The following SLC9A9 variants were observed in gnomAD, a reference collection of about 807,000 sequenced individuals.
SLC9A9 encodes the protein solute carrier family 9 member A9.
SLC9A9 carries 62 observed loss-of-function variants against 77.8 expected under a neutral mutation model. The ratio of observed to expected loss-of-function variants is 0.80; its 90% CI spans 0.65 to 0.98. The LOEUF is 0.98. SLC9A9 is among the 50% of genes least tolerant of loss of function. The pLI is 0.00. For synonymous variants in SLC9A9, 320 were observed against 283.5 expected, an observed-to-expected ratio of 1.13 and a Z score of -1.29; for missense variants, 775 against 774.9, an observed-to-expected ratio of 1.00 and a Z score of 0.00.
chr3:143,475,331 C>T (rs546140817), intron 11 of SLC9A9, among the ~76,000 whole-genome samples: 1 of 152,080 alleles, frequency 6.6e-6, no homozygotes, highest in African/African-American at 2.4e-5. Context: ...TCTTTAAGAT[C>T]TGTCTTTCTG....
chr3:143,272,230 C>G (rs777125735), intron 14 of SLC9A9, among the ~76,000 whole-genome samples: 1 of 152,130 alleles, frequency 6.6e-6, no homozygotes, highest in Non-Finnish European at 1.5e-5. Flanking sequence ...GTTTTTGTTT[C>G]ATGTGCCAAG....
intron 12 of SLC9A9, among the ~76,000 whole-genome samples, chr3:143,384,109 T>C (rs967397329): frequency 4.0e-5 from 6 of 151,844 alleles, no homozygotes; most frequent in African/African-American, 1.5e-4. Context: ...AGCTATTTGA[T>C]TGATGTCATC....
At chr3:143,813,499 T>A (rs2008923452) in intron 2 of SLC9A9, among the ~76,000 whole-genome samples, 1 of 152,204 alleles carries the variant, frequency 6.6e-6, no homozygotes, top group South Asian at 2.1e-4. Flanking sequence ...TCTGTTCACA[T>A]TGGAATTAGC....
At chr3:143,759,330 C>T (rs2007034273) in intron 4 of SLC9A9, among the ~76,000 whole-genome samples, 1 of 152,134 alleles carries the variant, frequency 6.6e-6, no homozygotes, top group Non-Finnish European at 1.5e-5. Context: ...CAAGTCAGTC[C>T]ACTCAGATTT....
intron 12 of SLC9A9, among the ~76,000 whole-genome samples, chr3:143,386,209 G>T (rs143159026): frequency 1.7e-3 from 258 of 152,250 alleles, no homozygotes; most frequent in African/African-American, 6.0e-3. Flanking sequence ...TCCCTTCTGG[G>T]CACTGGAGAT....
chr3:143,486,648 G>A (rs1305345071), intron 11 of SLC9A9, among the ~76,000 whole-genome samples: 1 of 152,052 alleles, frequency 6.6e-6, no homozygotes, highest in African/African-American at 2.4e-5. Flanking sequence ...AAGGGGTGGG[G>A]ACAGAGTTGT....
Position 143,471,444 on chromosome 3 carries a change from G to A in SLC9A9, c.1316-4254C>T, listed in dbSNP as rs576746623. Among the ~76,000 whole-genome samples, 8 of 152,258 alleles carry A rather than the reference G, an allele frequency of 5.3e-5. No homozygotes were observed. In the South Asian group the frequency reaches 1.7e-3, roughly 32 times the overall value. On this transcript the variant is annotated intron_variant, in intron 11 of 15. Coordinates refer to ENST00000316549, the MANE Select transcript of SLC9A9 (RefSeq NM_173653.4). ...AATGCTATGGTTTTGGGCAATAGAG[G>A]ATTTTAGGATTGAAATAGATTATTA...
At chr3:143,492,679 A>G (rs2035768771) in intron 11 of SLC9A9, among the ~76,000 whole-genome samples, 1 of 152,254 alleles carries the variant, frequency 6.6e-6, no homozygotes, top group African/African-American at 2.4e-5. Flanking sequence ...CATCTACAAA[A>G]TGTGTTAATA....
intron 6 of SLC9A9, among the ~76,000 whole-genome samples, chr3:143,591,884 G>A (rs1406121377): frequency 6.6e-6 from 1 of 152,204 alleles, no homozygotes; most frequent in Non-Finnish European, 1.5e-5. Context: ...GGGAAGGAGG[G>A]AGGTCAGTGG....
chr3:143,458,979 T>C (rs1278016948), intron 12 of SLC9A9, among the ~76,000 whole-genome samples: 2 of 152,162 alleles, frequency 1.3e-5, no homozygotes, highest in Admixed American at 1.3e-4. Flanking sequence ...TAATTTCTTA[T>C]AATCTTCAAG....
intron 6 of SLC9A9, among the ~76,000 whole-genome samples, chr3:143,643,927 T>G (rs1560009573): frequency 6.6e-6 from 1 of 151,750 alleles, no homozygotes; most frequent in Non-Finnish European, 1.5e-5. Context: ...AACAGAGTCT[T>G]TGTGACTGAT....
At chr3:143,738,275 C>A (rs1263102331) in intron 4 of SLC9A9, among the ~76,000 whole-genome samples, 2 of 152,152 alleles carry the variant, frequency 1.3e-5, no homozygotes, top group African/African-American at 4.8e-5. Context: ...GGGCTTAGGG[C>A]AGTACCGGAT....
chr3:143,356,335 T>C (rs910762996), intron 14 of SLC9A9, among the ~76,000 whole-genome samples: 3 of 152,182 alleles, frequency 2.0e-5, no homozygotes, highest in Non-Finnish European at 2.9e-5. Context: ...ACTTTACTGA[T>C]GGATTCAGCC....
intron 2 of SLC9A9, among the ~76,000 whole-genome samples, chr3:143,800,419 A>G (rs112835687): frequency 0.045 from 6,840 of 152,288 alleles, 272 homozygotes; most frequent in African/African-American, 0.11. Flanking sequence ...AAGTTAGTTC[A>G]GGATCTGCGC....
intron 13 of SLC9A9, among the ~76,000 whole-genome samples, chr3:143,367,254 T>C (rs1178108896): frequency 1.3e-5 from 2 of 152,216 alleles, no homozygotes; most frequent in African/African-American, 4.8e-5. Context: ...TCTAAAAAAC[T>C]TCATTTCATG....
At chr3:143,713,811 A>G (rs1245033769) in intron 4 of SLC9A9, among the ~76,000 whole-genome samples, 3 of 152,190 alleles carry the variant, frequency 2.0e-5, no homozygotes, top group Non-Finnish European at 4.4e-5. Flanking sequence ...TCAAACTAAA[A>G]CTTTATGGTT....
chr3:143,769,722 A>G (rs1420906973), intron 4 of SLC9A9, among the ~76,000 whole-genome samples: 2 of 152,214 alleles, frequency 1.3e-5, no homozygotes, highest in Non-Finnish European at 2.9e-5. Context: ...ATCCCAGGAA[A>G]AGGTCAATAA....
chr3:143,725,695 A>G (rs1291461131), intron 4 of SLC9A9, among the ~76,000 whole-genome samples: 2 of 128,742 alleles, frequency 1.6e-5, no homozygotes, highest in Admixed American at 8.9e-5. Flanking sequence ...ATGAGAACAC[A>G]TGGACACAGG....
At chr3:143,341,258 G>C (rs950456987) in intron 14 of SLC9A9, among the ~76,000 whole-genome samples, 1 of 152,124 alleles carries the variant, frequency 6.6e-6, no homozygotes, top group Non-Finnish European at 1.5e-5. Context: ...AGGGGGCTTA[G>C]CTTTCATAAA....
Sources: allele counts gnomAD v4.1 joint callset (sites outside exome capture counted in the v4.1 genomes callset), GRCh38; gene constraint gnomAD v4.1.1; transcripts MANE v1.5; gene names NCBI Gene and HGNC (gene_info 2026-07-23, HGNC 2026-07-21).